COL17A1: variants seen among roughly 807,000 people sequenced by gnomAD.
COL17A1 encodes the protein collagen alpha-1(XVII) chain.
In COL17A1, 181 loss-of-function variants were observed where a neutral mutation model predicts 218.4. The observed-to-expected ratio is 0.83, with a 90% CI of 0.73 to 0.94. COL17A1 has a LOEUF of 0.94. Among genes scored for constraint, COL17A1 ranks in the 40% least tolerant of loss-of-function variants. COL17A1 has a pLI of 0.00. For synonymous variants in COL17A1, 721 were observed against 731.0 expected (o/e 0.99, Z 0.22); for missense variants, 1,924 against 1,945.9 (o/e 0.99, Z 0.21).
intron 51 of COL17A1, 136 bp downstream of exon 51, chr10:104,034,485 T>C (rs1445006912): frequency 2.0e-6 from 3 of 1,490,664 alleles, no homozygotes; most frequent in Non-Finnish European, 2.7e-6. Flanking sequence ...AATTTTGGTG[T>C]GGAAGGAAAC....
In COL17A1 at chr10:104,033,925, G is replaced by A; in HGVS notation, c.4156+20C>T. 1 of 1,614,010 alleles carries A rather than the reference G, an allele frequency of 6.2e-7. No homozygotes were observed. On this transcript the variant is annotated intron_variant, in intron 52 of 55. Coordinates refer to ENST00000648076, the MANE Select transcript of COL17A1 (RefSeq NM_000494.4). ...CACGCTCCTTCCCCCCAGCACCAAGGCCTAAATGTCCCCACTTACGCTGCA... is the reference window on the plus strand; with the variant it reads ...CACGCTCCTTCCCCCCAGCACCAAGACCTAAATGTCCCCACTTACGCTGCA...
chr10:104,075,774 C>T (rs551311249), intron 5 of COL17A1, among the ~76,000 whole-genome samples: 1 of 152,358 alleles, frequency 6.6e-6, no homozygotes, highest in South Asian at 2.1e-4. Context: ...CCTGGGCTCT[C>T]CTGGCTGTCT....
At chr10:104,049,722 C>G (rs541627272) in intron 28 of COL17A1, among the ~76,000 whole-genome samples, 5 of 152,242 alleles carry the variant, frequency 3.3e-5, no homozygotes, top group Non-Finnish European at 7.3e-5. Flanking sequence ...AGCTTTATCA[C>G]TGTCAATTTC....
chr10:104,052,273 C>G (rs1342596910), intron 23 of COL17A1, 56 bp from the exon 24 acceptor site: 15 of 1,608,282 alleles, frequency 9.3e-6, no homozygotes, highest in African/African-American at 5.3e-5. Flanking sequence ...TGGCTGCCCC[C>G]TATCCTGGCA....
intron 11 of COL17A1, among the ~76,000 whole-genome samples, chr10:104,063,364 C>G (rs2086599269): frequency 6.6e-6 from 1 of 152,200 alleles, no homozygotes; most frequent in African/African-American, 2.4e-5. Flanking sequence ...ATAGAAAGAT[C>G]TGAAAGTAGT....
Position 104,041,311 on chromosome 10 carries a change from C to T in COL17A1, c.2639G>A (p.Gly880Asp). The T allele has an allele frequency of 6.8e-6, 11 of 1,609,050 alleles. No individual in the cohort carries two copies. Among genetic ancestry groups the T allele is most frequent in the Non-Finnish European group, 9.3e-6 (11 of 1,177,846 alleles). ...GTAAGCTCGGCTCTCACCTGGTGGG[C>T]CTCGGGGTCCTGGTGGGCCTGGAAT... ...PSIPGPPGPR[G>D]PPGEGLPGPP... is the part of the protein sequence containing the mutation. The change falls in exon 38 of 56, where the codon GGC becomes GAC. Residue 880 changes from glycine (G) to aspartate (D), a missense_variant. Gly to Asp is a moderately conservative substitution (Grantham distance 94). Transcript: ENST00000648076.
At position 104,064,327 on chromosome 10, in the gene COL17A1, G is replaced by C. The variant is rs2086607801; in HGVS notation, c.766+111C>G. 7 of 1,552,780 alleles carry C rather than the reference G, an allele frequency of 4.5e-6. No individual in the cohort carries two copies. In the East Asian group the frequency reaches 1.4e-4, roughly 31 times the overall value. On this transcript the variant is annotated intron_variant, in intron 10 of 55. Coordinates refer to ENST00000648076, the MANE Select transcript of COL17A1 (RefSeq NM_000494.4). ...CTCCTGGGATGTTTGGCCACAGAAA[G>C]CCTCTCCAGGAGGCCCTGAGGATGG...
intron 31 of COL17A1, 136 bp from the exon 32 acceptor site, chr10:104,046,909 G>A: frequency 1.2e-6 from 1 of 809,036 alleles, no homozygotes; most frequent in South Asian, 1.5e-5. Context: ...CTCATGCCGG[G>A]GCAGCCAGCA....
rs373906671 is a variant in COL17A1, at chr10:104,070,419, G to A, written c.607+7C>T. On this transcript the variant is annotated splice_region_variant and intron_variant, in intron 9 of 55. Transcript: ENST00000648076. ...CACTCCTCGGCAGCCTGGGCTGTCA[G>A]ACTTACCCGACTGGGAGCTCGCTGT... 2.2e-5 allele frequency: 35 copies of A among 1,613,246 alleles called. 1 individual carries two copies. In the South Asian group the frequency reaches 3.3e-4, roughly 15 times the overall value.
At chr10:104,036,105 A>AGTGAGTATGGGAGTGTGAGTATGG (rs2086291258) in intron 48 of COL17A1, among the ~76,000 whole-genome samples, 1 of 824 alleles carries the variant, frequency 1.2e-3, no homozygotes, top group Admixed American at 0.019. Flanking sequence ...TGTGTATGGG[A>AGTGAGTATGGGAGTGTGAGTATGG]GTGTGTGTGT....
At chr10:104,056,443 G>A (rs1236408363) in intron 17 of COL17A1, among the ~76,000 whole-genome samples, 3 of 152,116 alleles carry the variant, frequency 2.0e-5, no homozygotes, top group Non-Finnish European at 4.4e-5. Flanking sequence ...TTAGCCAGGT[G>A]TGGTGACATG....
In COL17A1 at chr10:104,070,484, G is replaced by C; in HGVS notation, c.549C>G (p.Leu183=). The C allele has an allele frequency of 6.2e-7, 1 of 1,614,188 alleles. No homozygotes were observed. Among genetic ancestry groups the C allele is most frequent in the Non-Finnish European group, 8.5e-7 (1 of 1,180,044 alleles). The change falls in exon 9 of 56, where the codon CTC becomes CTG. Residue 183 remains leucine, a synonymous_variant. Transcript: ENST00000648076. ...CCACAGTGCCTTTCTTGGGGATGGGGAGTGTGTTGGAGGAATTCCGGGTGG... is the reference window on the plus strand; with the variant it reads ...CCACAGTGCCTTTCTTGGGGATGGGCAGTGTGTTGGAGGAATTCCGGGTGG... ...VSPTRNSSNT[L]PIPKKGTVET...
At chr10:104,072,578 G>A (rs139279578) in intron 7 of COL17A1, among the ~76,000 whole-genome samples, 14 of 152,294 alleles carry the variant, frequency 9.2e-5, no homozygotes, top group African/African-American at 3.1e-4. Context: ...CTAAAGTTGT[G>A]AGTGGTTGGC....
intron 35 of COL17A1, among the ~76,000 whole-genome samples, chr10:104,042,971 A>G (rs1049745445): frequency 1.2e-4 from 18 of 152,214 alleles, no homozygotes; most frequent in African/African-American, 3.9e-4. Context: ...AGCAGGCATT[A>G]GTGAGTGTCC....
chr10:104,041,456 C>T (rs2086358904), intron 37 of COL17A1, 29 bp downstream of exon 37: 2 of 1,609,000 alleles, frequency 1.2e-6, no homozygotes, highest in East Asian at 2.2e-5. Flanking sequence ...CCAAACTCCC[C>T]ACCTTCCAAA....
In COL17A1 at chr10:104,064,496, G is replaced by A. The variant is rs761011735; in HGVS notation, c.708C>T (p.Asn236=). The A allele has an allele frequency of 6.8e-6, 11 of 1,614,188 alleles. No homozygotes were observed. In the South Asian group the frequency reaches 9.9e-5, roughly 15 times the overall value. Residue 236 remains asparagine (N), a synonymous_variant, in exon 10 of 56, where the codon AAC becomes AAT. Transcript: ENST00000648076. The stretch of plus-strand genomic sequence containing the variant: ...GGGATGAGCTCTGGGTTGTCATGTT[G>A]TTGTGATAGGTCCCCATGGAGGACC... ...PAGSSMGTYH[N]NMTTQSSSLL...
At chr10:104,077,353 A>G in intron 4 of COL17A1, 69 bp downstream of exon 4, 2 of 1,230,474 alleles carry the variant, frequency 1.6e-6, no homozygotes, top group Non-Finnish European at 2.4e-6. Flanking sequence ...TGTCCTGTGT[A>G]GGACTTTCTT....
Position 104,038,473 on chromosome 10 carries a change from A to AG in COL17A1, c.3002dup (p.Gly1002TrpfsTer19). ...AGCTGCTGATAGAGCCCGGAGGCCC[A>AG]GGGGGCCCAGGGGGCCCTGGCGGGC... On this transcript the variant is annotated frameshift_variant, in exon 45 of 56. Transcript: ENST00000648076. LOFTEE classifies it high-confidence loss of function. The AG allele has an allele frequency of 6.2e-7, 1 of 1,612,998 alleles. No individual in the cohort carries two copies.
At chr10:104,036,978 G>T in intron 47 of COL17A1, 67 bp downstream of exon 47, 2 of 1,420,820 alleles carry the variant, frequency 1.4e-6, no homozygotes, top group Non-Finnish European at 1.9e-6. Context: ...GACAAGGTTT[G>T]CATGACGAGT....
Sources: gnomAD v4.1 joint callset for allele counts (sites outside exome capture counted in the v4.1 genomes callset) on GRCh38, gnomAD v4.1.1 for gene constraint, MANE v1.5 for transcripts, NCBI Gene and HGNC (gene_info 2026-07-23, HGNC 2026-07-21) for gene names.